The following ZNF677 variants were observed in gnomAD, a reference collection of about 807,000 sequenced individuals.
The protein encoded by ZNF677 is hypothetical protein MGC48625.
Under a neutral mutation model 8.1 loss-of-function variants are expected in ZNF677, and 5 were observed. That is an observed-to-expected ratio of 0.62 (90% CI 0.32 to 1.29). The LOEUF (loss-of-function observed/expected upper bound fraction) is 1.29, where lower values mean the gene tolerates loss of function less well. Among genes scored for constraint, ZNF677 ranks in the 50% most tolerant of loss-of-function variants. The probability of loss-of-function intolerance (pLI) is 0.05; values close to 1 mark genes in which losing one functional copy is unlikely to be tolerated. For missense variants in ZNF677, 685 were observed against 685.9 expected (o/e 1.00, Z 0.01); for synonymous variants, 221 against 225.6 (o/e 0.98, Z 0.18).
chr19:53,251,994 G>A (rs755853429), intron 2 of ZNF677, among the ~76,000 whole-genome samples: 70 of 152,196 alleles, frequency 4.6e-4, no homozygotes, highest in Non-Finnish European at 1.3e-4. Flanking sequence ...AATCCCTGCT[G>A]TAGCCATACT....
rs772868349 is a variant in ZNF677 at position 53,237,465 on chromosome 19, T to A, written c.1262A>T (p.His421Leu). The change falls in exon 5 of 5, where the codon CAT becomes CTT. Residue 421 changes from histidine to leucine, a missense_variant. Physicochemically the swap from His to Leu is moderately conservative, Grantham distance 99 (BLOSUM62 -3). Transcript: ENST00000598513. Reference protein sequence around the residue: ...AFKQCSHLTRHQNIHPGEKPH... With the variant: ...AFKQCSHLTRLQNIHPGEKPH... ...TTTCTCTCCAGGATGTATATTCTGATGCCTAGTGAGATGTGAGCACTGCTT... is the reference window on the plus strand; with the variant it reads ...TTTCTCTCCAGGATGTATATTCTGAAGCCTAGTGAGATGTGAGCACTGCTT... 6.2e-7 allele frequency: 1 copy of A among 1,614,016 alleles called. No individual in the cohort carries two copies. The highest frequency in any genetic ancestry group is 8.5e-7 in the Non-Finnish European group (1 of 1,179,954).
chr19:53,243,944 A>T (rs2091096654), intron 3 of ZNF677, 47 bp from the exon 4 acceptor site: 1 of 1,521,772 alleles, frequency 6.6e-7, no homozygotes, highest in Non-Finnish European at 8.8e-7. Context: ...AAAATTTCTT[A>T]TTTTCACACA....
chr19:53,252,860 T>G (rs1212175341), intron 2 of ZNF677, among the ~76,000 whole-genome samples: 1 of 152,160 alleles, frequency 6.6e-6, no homozygotes, highest in Non-Finnish European at 1.5e-5. Flanking sequence ...GATGGGGTGC[T>G]AATCGCACCC....
chr19:53,243,516 T>C (rs2091087526), intron 4 of ZNF677: 2 of 569,890 alleles, frequency 3.5e-6, no homozygotes, highest in Admixed American at 7.0e-5. Context: ...CCATAAGGTT[T>C]TGTAAGTACT....
At position 53,238,074 on chromosome 19, in the gene ZNF677, T is replaced by A; in HGVS notation, c.653A>T (p.Glu218Val). 3.1e-6 allele frequency: 5 copies of A among 1,614,124 alleles called. No homozygotes were observed. Among genetic ancestry groups the A allele is most frequent in the Non-Finnish European group, 4.2e-6 (5 of 1,179,984 alleles). ...AACTGAGGAACTATTGATAGACTTCTCAACTGGATTACATTCATACATTTT... is the reference window on the plus strand; with the variant it reads ...AACTGAGGAACTATTGATAGACTTCACAACTGGATTACATTCATACATTTT... The part of the protein sequence containing the change: ...GEKMYECNPV[E>V]KSINSSSVSP... The change falls in exon 5 of 5, where the codon GAG (glutamate) becomes GTG (valine). Residue 218 changes from glutamate to valine, a missense_variant. Physicochemically the swap from Glu to Val is moderately radical, Grantham distance 121. Transcript: ENST00000598513.
intron 3 of ZNF677, among the ~76,000 whole-genome samples, chr19:53,244,918 T>C (rs1473580658): frequency 6.6e-6 from 1 of 152,114 alleles, no homozygotes; most frequent in Non-Finnish European, 1.5e-5. Context: ...ACAAAAGTAC[T>C]AGAATACAAA....
In ZNF677 at chr19:53,244,678, C is replaced by T. The variant is rs189357482; in HGVS notation, c.16-781G>A. On this transcript the variant is annotated intron_variant, in intron 3 of 4. Transcript: ENST00000598513. ...AATACTATGAAAATGTCCATATTAT[C>T]CAAAGCAATCTACAGTCAATGCAAT... 3.2e-3 allele frequency among the ~76,000 whole-genome samples: 493 copies of T among 152,268 alleles called. 6 individuals carry two copies. The highest frequency in any genetic ancestry group is 2.0e-3 in the Non-Finnish European group (134 of 68,016).
At chr19:53,242,604 C>A (rs940298379) in intron 4 of ZNF677, 1 of 393,602 alleles carries the variant, frequency 2.5e-6, no homozygotes, top group African/African-American at 2.1e-5. Context: ...GGGGCTTGAA[C>A]AAGTAGAGAG....
chr19:53,251,604 G>A lies in ZNF677; in HGVS notation c.-54C>T. On this transcript the variant is annotated splice_region_variant and 5_prime_UTR_variant, in exon 3 of 5. Coordinates refer to ENST00000598513, the MANE Select transcript of ZNF677 (RefSeq NM_182609.4). ...CTGAGTTTCTTTCTCAGGTAAGTCA[G>A]TCTGTATGTCAAAAATATGTTGTTT... 1.2e-6 allele frequency: 2 copies of A among 1,610,918 alleles called. No homozygotes were observed.
rs756273537 is a variant in ZNF677, at chr19:53,238,236, G to A, written c.491C>T (p.Pro164Leu). 3.0e-5 allele frequency: 48 copies of A among 1,613,788 alleles called. No individual in the cohort carries two copies. Among genetic ancestry groups the A allele is most frequent in the Non-Finnish European group, 3.5e-5 (41 of 1,179,932 alleles). The change falls in exon 5 of 5, where the codon CCA (proline) becomes CTA (leucine). Residue 164 changes from proline (P) to leucine (L), a missense_variant. Coordinates refer to ENST00000598513, the MANE Select transcript of ZNF677 (RefSeq NM_182609.4). Reference sequence around the variant, plus strand: ...CAGTTTTAACAAATTCCTTATAAATGGCTTGTCATGGATGAAATACTGGTG... The same window carrying A: ...CAGTTTTAACAAATTCCTTATAAATAGCTTGTCATGGATGAAATACTGGTG... ...SAHQYFIHDK[P>L]FIRNLLKLKN...
chr19:53,242,379 G>A (rs1225269281), intron 4 of ZNF677: 11 of 398,550 alleles, frequency 2.8e-5, no homozygotes, highest in African/African-American at 1.2e-4. Flanking sequence ...TAAAAGGGTC[G>A]GATTTTGTAG....
intron 4 of ZNF677, chr19:53,242,395 T>C (rs866280467): frequency 2.5e-6 from 1 of 398,540 alleles, no homozygotes; most frequent in Non-Finnish European, 4.4e-6. Context: ...TGTAGGATTC[T>C]AAGGAAGAGG....
intron 4 of ZNF677, chr19:53,239,484 G>C (rs746501702): frequency 6.6e-6 from 1 of 152,018 alleles, no homozygotes; most frequent in Non-Finnish European, 1.5e-5. Flanking sequence ...GCAGTATATA[G>C]AGAAACTCCC....
intron 3 of ZNF677, among the ~76,000 whole-genome samples, chr19:53,250,305 C>T (rs933442354): frequency 6.6e-6 from 1 of 152,170 alleles, no homozygotes; most frequent in Non-Finnish European, 1.5e-5. Context: ...GGTGATTCCT[C>T]AAAGATCGAA....
Position 53,235,787 on chromosome 19 carries a change from G to A in ZNF677, c.*1185C>T, listed in dbSNP as rs562396569. ...CTCCTATAATCGACAAAGGTCCCCA[G>A]TCACATCAACAATTCTAAGGGGTCC... On this transcript the variant is annotated 3_prime_UTR_variant, in exon 5 of 5. Coordinates refer to ENST00000598513, the MANE Select transcript of ZNF677 (RefSeq NM_182609.4). 1 of 152,268 alleles carries A rather than the reference G, an allele frequency of 6.6e-6. No individual in the cohort carries two copies. The highest frequency in any genetic ancestry group is 2.4e-5 in the African/African-American group (1 of 41,540). The allele number at this position is 152,268 out of a possible 1,614,324, so 9.4% of individuals were successfully genotyped here.
At chr19:53,248,480 C>T (rs1366975475) in intron 3 of ZNF677, among the ~76,000 whole-genome samples, 1 of 152,216 alleles carries the variant, frequency 6.6e-6, no homozygotes, top group Non-Finnish European at 1.5e-5. Flanking sequence ...CTTTGCTTAA[C>T]ATTTCATGCA....
chr19:53,251,464 A>T, intron 3 of ZNF677, 72 bp downstream of exon 3: 2 of 1,334,998 alleles, frequency 1.5e-6, no homozygotes, highest in Non-Finnish European at 2.2e-6. Flanking sequence ...AGTCAGATAA[A>T]ATTAGCAAGT....
chr19:53,241,924 T>C, intron 4 of ZNF677: 1 of 373,746 alleles, frequency 2.7e-6, no homozygotes, highest in East Asian at 3.8e-5. Context: ...GAATGTGTAC[T>C]TTTCTTTTTC....
At chr19:53,244,039 A>C in intron 3 of ZNF677, 142 bp from the exon 4 acceptor site, 1 of 760,688 alleles carries the variant, frequency 1.3e-6, no homozygotes, top group Non-Finnish European at 2.1e-6. Context: ...TATTTTTTTT[A>C]AACTGAGATG....
Sources: gnomAD v4.1 joint callset for allele counts (sites outside exome capture counted in the v4.1 genomes callset) on GRCh38, gnomAD v4.1.1 for gene constraint, MANE v1.5 for transcripts, NCBI Gene and HGNC (gene_info 2026-07-23, HGNC 2026-07-21) for gene names.